Variants in SLC44A5 observed in about 807,000 individuals in gnomAD.
SLC44A5 encodes the protein choline transporter-like protein 5.
In SLC44A5, 57 loss-of-function variants were observed where a neutral mutation model predicts 101.8. That is an observed-to-expected ratio of 0.56 (90% confidence interval 0.45 to 0.70). The LOEUF (loss-of-function observed/expected upper bound fraction) is 0.70. Ranked by LOEUF, SLC44A5 falls within the 30% of genes least tolerant of loss-of-function variation. The pLI is 0.00. For synonymous variants in SLC44A5, 281 were observed against 290.9 expected, an observed-to-expected ratio of 0.97 and a Z score of 0.35; for missense variants, 737 against 853.1, an observed-to-expected ratio of 0.86 and a Z score of 1.70.
chr1:75,208,968 T>A (rs911333842), intron 23 of SLC44A5, among the ~76,000 whole-genome samples: 1 of 152,172 alleles, frequency 6.6e-6, no homozygotes, highest in African/African-American at 2.4e-5. Context: ...AATCTACACA[T>A]TCAGAATTTG....
the SLC44A5 span, among the ~76,000 whole-genome samples, chr1:75,683,811 A>T: frequency 1.3e-5 from 2 of 151,996 alleles, no homozygotes; most frequent in Admixed American, 1.3e-4. Context: ...TAAGACAGGA[A>T]AAAAAGAAGA....
At chr1:75,228,558 A>G (rs1647290835) in intron 12 of SLC44A5, among the ~76,000 whole-genome samples, 1 of 151,826 alleles carries the variant, frequency 6.6e-6, no homozygotes, top group South Asian at 2.1e-4. Context: ...TACTTTATAT[A>G]CTGATATATT....
the SLC44A5 span, among the ~76,000 whole-genome samples, chr1:75,683,294 G>T: frequency 1.3e-5 from 2 of 152,124 alleles, no homozygotes; most frequent in African/African-American, 4.8e-5. Context: ...CTGCTATAAA[G>T]ACACATGCAT....
At chr1:75,324,391 A>G (rs149304707) in intron 4 of SLC44A5, among the ~76,000 whole-genome samples, 1 of 152,352 alleles carries the variant, frequency 6.6e-6, no homozygotes, top group Non-Finnish European at 1.5e-5. Context: ...TGAAAGTTCT[A>G]TTAAGTATTG....
Position 75,222,551 on chromosome 1 carries a change from A to G in SLC44A5, c.986-91T>C, listed in dbSNP as rs1343334069. 4 of 723,950 alleles carry G rather than the reference A, an allele frequency of 5.5e-6. No individual in the cohort carries two copies. In the East Asian group the frequency reaches 1.1e-4, roughly 19 times the overall value. The allele number at this position is 723,950 out of a possible 1,614,324, so 44.8% of individuals were successfully genotyped here. ...AATGCTAGGATTGAACTTTATGATT[A>G]TTTCTGCCAATTCTGACACCTCATA... is the stretch of plus-strand genomic sequence containing the variant. On this transcript the variant is annotated intron_variant, in intron 13 of 23. Coordinates refer to ENST00000370859, the MANE Select transcript of SLC44A5 (RefSeq NM_001130058.2).
chr1:75,582,032 T>C (rs1380227620), intron 1 of SLC44A5: 3 of 629,410 alleles, frequency 4.8e-6, no homozygotes, highest in African/African-American at 3.7e-5. Context: ...TATCCAGTTA[T>C]ATACAAAAGG....
chr1:75,454,387 G>A lies in SLC44A5; in HGVS notation c.14-57766C>T, dbSNP rs148410037. ...AAAACCCTTAAGAAACAAGGCATTC[G>A]AGGAACATATCTCAAAATAATAAGA... On this transcript the variant is annotated intron_variant, in intron 2 of 23. Coordinates refer to ENST00000370859, the MANE Select transcript of SLC44A5 (RefSeq NM_001130058.2). Among the ~76,000 whole-genome samples, 811 of 151,862 alleles carry A rather than the reference G, an allele frequency of 5.3e-3. 9 individuals carry two copies. Among genetic ancestry groups the A allele is most frequent in the African/African-American group, 0.018 (758 of 41,466 alleles).
At chr1:75,435,284 T>C in intron 2 of SLC44A5, among the ~76,000 whole-genome samples, 1 of 152,180 alleles carries the variant, frequency 6.6e-6, no homozygotes, top group Non-Finnish European at 1.5e-5. Context: ...CTGAAATACG[T>C]TAATACCTAT....
At chr1:75,646,801 A>T in the SLC44A5 span, among the ~76,000 whole-genome samples, 1 of 152,098 alleles carries the variant, frequency 6.6e-6, no homozygotes, top group African/African-American at 2.4e-5. Flanking sequence ...TGCCCTAGAG[A>T]TCTGTGGAAC....
At chr1:75,338,234 CA>C (rs756095960) in intron 4 of SLC44A5, among the ~76,000 whole-genome samples, 9 of 152,196 alleles carry the variant, frequency 5.9e-5, no homozygotes, top group Non-Finnish European at 1.2e-4. Flanking sequence ...TTACTTTCCT[CA>C]CAGTGATTAT....
chr1:75,492,357 A>T (rs1668468125), intron 2 of SLC44A5, among the ~76,000 whole-genome samples: 1 of 152,222 alleles, frequency 6.6e-6, no homozygotes, highest in Admixed American at 6.5e-5. Context: ...ATATCCAGGA[A>T]GTTTTATTCA....
chr1:75,454,987 A>C (rs1024493862), intron 2 of SLC44A5, among the ~76,000 whole-genome samples: 3 of 151,948 alleles, frequency 2.0e-5, no homozygotes, highest in Admixed American at 1.3e-4. Flanking sequence ...TATTCCTATC[A>C]CACTATCATC....
chr1:75,489,703 CAACTT>C lies in SLC44A5; in HGVS notation c.13+51727_13+51731del, dbSNP rs370429321. 5.8e-3 allele frequency among the ~76,000 whole-genome samples: 879 copies of C among 152,070 alleles called. 3 individuals are homozygous for C. Among genetic ancestry groups the C allele is most frequent in the African/African-American group, 0.02 (842 of 41,478 alleles). On this transcript the variant is annotated intron_variant, in intron 2 of 23. Coordinates refer to ENST00000370859, the MANE Select transcript of SLC44A5 (RefSeq NM_001130058.2). ...ATTGGCAAGTCAAGAACACAAAAGA[CAACTT>C]AAAAAAATTTGCCAAAGATACTGAC...
At chr1:75,623,933 C>G in the SLC44A5 span, among the ~76,000 whole-genome samples, 1 of 152,106 alleles carries the variant, frequency 6.6e-6, no homozygotes, top group African/African-American at 2.4e-5. Context: ...TAGCCATGAG[C>G]ACAGATGACA....
chr1:75,217,986 G>C, intron 17 of SLC44A5, 26 bp from the exon 18 acceptor site: 2 of 1,429,812 alleles, frequency 1.4e-6, no homozygotes, highest in Non-Finnish European at 2.0e-6. Context: ...ATGAGAATAA[G>C]TTAAAACTTA....
intron 1 of SLC44A5, among the ~76,000 whole-genome samples, chr1:75,580,361 T>C (rs997648351): frequency 2.6e-5 from 4 of 152,206 alleles, no homozygotes; most frequent in Non-Finnish European, 4.4e-5. Context: ...AGCTCTAAAA[T>C]GTGTGGTTTG....
At chr1:75,323,026 G>T (rs1332096910) in intron 4 of SLC44A5, among the ~76,000 whole-genome samples, 3 of 150,754 alleles carry the variant, frequency 2.0e-5, no homozygotes, top group Non-Finnish European at 3.0e-5. Flanking sequence ...GTGCCATGCT[G>T]GTGCGCTGCA....
intron 1 of SLC44A5, among the ~76,000 whole-genome samples, chr1:75,556,500 G>A (rs1037121580): frequency 6.6e-6 from 1 of 152,092 alleles, no homozygotes; most frequent in African/African-American, 2.4e-5. Flanking sequence ...TTTACTCTGA[G>A]ACAGGCACTT....
chr1:75,231,545 T>G (rs1449668099), intron 12 of SLC44A5, among the ~76,000 whole-genome samples: 2 of 152,190 alleles, frequency 1.3e-5, no homozygotes, highest in Non-Finnish European at 2.9e-5. Context: ...TCTCTGGACT[T>G]CAAGTCCTCT....
Sources: allele counts gnomAD v4.1 joint callset (sites outside exome capture counted in the v4.1 genomes callset), GRCh38; gene constraint gnomAD v4.1.1; transcripts MANE v1.5; gene names NCBI Gene and HGNC (gene_info 2026-07-23, HGNC 2026-07-21).